GNAI2: variants seen among roughly 807,000 people sequenced by gnomAD.
The protein encoded by GNAI2 is G protein subunit alpha i2, also known as guanine nucleotide-binding protein G(i) subunit alpha-2.
Under a neutral mutation model 36.8 loss-of-function variants are expected in GNAI2, and 4 were observed. That is an observed-to-expected ratio of 0.11 (90% confidence interval 0.05 to 0.25). GNAI2 has a LOEUF of 0.25. Among genes scored for constraint, GNAI2 ranks in the 10% least tolerant of loss-of-function variants. The pLI, the probability that GNAI2 is intolerant of heterozygous loss-of-function variation, is 1.00. For missense variants in GNAI2, 230 were observed against 481.3 expected (o/e 0.48, Z 4.89); for synonymous variants, 194 against 194.1 (o/e 1.00, Z 0.01).
At chr3:50,246,194 T>C (rs1700419387) in intron 1 of GNAI2, among the ~76,000 whole-genome samples, 1 of 152,124 alleles carries the variant, frequency 6.6e-6, no homozygotes. Flanking sequence ...CCCGTTGCCA[T>C]GGTTTCTGTG....
chr3:50,257,360 G>A (rs1046394817), intron 7 of GNAI2, 140 bp from the exon 8 acceptor site: 101 of 650,404 alleles, frequency 1.6e-4, no homozygotes, highest in African/African-American at 1.2e-3. Context: ...TGTATGGGCA[G>A]CCACAAACAT....
At position 50,252,328 on chromosome 3, in the gene GNAI2, TAGCCCCAG is replaced by T; in HGVS notation, c.162-68_162-61del. 1 of 1,549,344 alleles carries T rather than the reference TAGCCCCAG, an allele frequency of 6.5e-7. No homozygotes were observed. Among genetic ancestry groups the T allele is most frequent in the Non-Finnish European group, 8.9e-7 (1 of 1,123,750 alleles). Reference sequence around the variant, plus strand: ...TTCCCTTCTCTGAAGCAGGTCCCAGTAGCCCCAGGCAGCCGTGGGAACTCCCAGTGCCC... The same window carrying T: ...TTCCCTTCTCTGAAGCAGGTCCCAGTGCAGCCGTGGGAACTCCCAGTGCCC... On this transcript the variant is annotated intron_variant, in intron 2 of 8. Transcript: ENST00000313601. The surrounding 1 kb of genome is among the most constrained non-coding windows in gnomAD (Gnocchi z 4.1).
upstream of GNAI2, chr3:50,227,147 A>G: frequency 6.9e-7 from 1 of 1,444,648 alleles, no homozygotes; most frequent in South Asian, 1.4e-5. This position sits in a 1 kb window ranked among gnomAD's most constrained non-coding sequence, Gnocchi z 5.9. Context: ...TGAAGACGCT[A>G]GGCTGGACGA....
upstream of GNAI2, among the ~76,000 whole-genome samples, chr3:50,234,945 A>G (rs911739025): frequency 1.2e-4 from 19 of 152,288 alleles, no homozygotes; most frequent in African/African-American, 4.6e-4. Flanking sequence ...GGTTGCAGCC[A>G]TTGCCCAGTG....
upstream of GNAI2, among the ~76,000 whole-genome samples, chr3:50,233,710 G>A (rs1479943728): frequency 6.6e-6 from 1 of 152,096 alleles, no homozygotes; most frequent in Non-Finnish European, 1.5e-5. Flanking sequence ...TCAGAGCAGT[G>A]GTGGACATGG....
Position 50,236,236 on chromosome 3 carries a change from C to G in GNAI2, c.-100C>G, listed in dbSNP as rs1700163187. 1.7e-6 allele frequency: 2 copies of G among 1,194,562 alleles called. No individual in the cohort carries two copies. The highest frequency in any genetic ancestry group is 2.1e-6 in the Non-Finnish European group (2 of 963,742). 74.0% of individuals were successfully genotyped at this position (1,194,562 alleles called of 1,614,324 possible). A position where few individuals can be genotyped will look rare whatever the true frequency, so the allele number is the denominator to read the frequency against. ...CGGAACTGCCGACCCGAGTGCTTCC[C>G]GCAGAGGGCTGGTGGTGGGAGCGGA... On this transcript the variant is annotated 5_prime_UTR_variant, in exon 1 of 9. Transcript: ENST00000313601. The surrounding 1 kb of genome is among the most constrained non-coding windows in gnomAD (Gnocchi z 4.0).
rs143647903 is a variant in GNAI2, at chr3:50,240,937, G to A, written c.118+4484G>A. Among the ~76,000 whole-genome samples the A allele has an allele frequency of 2.6e-3, 278 of 108,172 alleles. 2 individuals are homozygous for A. The highest frequency in any genetic ancestry group is 9.8e-3 in the Middle Eastern group (2 of 204). 71.0% of individuals were successfully genotyped at this position (108,172 alleles called of 152,430 possible). ...CTGTCTCAAAAAAAAAAAAAAAAAA[G>A]AAAAAAAAAGAAAATGGATGAGGGA... On this transcript the variant is annotated intron_variant, in intron 1 of 8. Coordinates refer to ENST00000313601, the MANE Select transcript of GNAI2 (RefSeq NM_002070.4).
chr3:50,228,506 C>T (rs1469472404), upstream of GNAI2, among the ~76,000 whole-genome samples: 2 of 149,830 alleles, frequency 1.3e-5, no homozygotes, highest in Admixed American at 6.7e-5. Context: ...GCCAAGATCG[C>T]GCCACTGCAC....
chr3:50,254,374 C>G, intron 4 of GNAI2, among the ~76,000 whole-genome samples: 1 of 152,140 alleles, frequency 6.6e-6, no homozygotes, highest in East Asian at 1.9e-4. Flanking sequence ...CTGGAACACC[C>G]TTTTGCTCCT....
chr3:50,247,575 C>T (rs782259588), intron 1 of GNAI2, among the ~76,000 whole-genome samples: 1 of 152,222 alleles, frequency 6.6e-6, no homozygotes, highest in South Asian at 2.1e-4. Context: ...TGGTCTTGTT[C>T]ACGCAGGTGG....
chr3:50,236,846 C>T lies in GNAI2; in HGVS notation c.118+393C>T, dbSNP rs62260798. Among the ~76,000 whole-genome samples, 7,753 of 152,272 alleles carry T rather than the reference C, an allele frequency of 0.051. 276 individuals are homozygous for T. Among genetic ancestry groups the T allele is most frequent in the Non-Finnish European group, 0.077 (5,248 of 68,006 alleles). ...ACCCTCAGGCTCCGCTTGTTTTCCT[C>T]ACCTGCGCCTTTTATTCCTATTGGG... On this transcript the variant is annotated intron_variant, in intron 1 of 8. Coordinates refer to ENST00000313601, the MANE Select transcript of GNAI2 (RefSeq NM_002070.4). This position sits in a 1 kb window ranked among gnomAD's most constrained non-coding sequence, Gnocchi z 4.0.
At chr3:50,231,566 C>T (rs1372695235), upstream of GNAI2, among the ~76,000 whole-genome samples, 9 of 152,206 alleles carry the variant, frequency 5.9e-5, no homozygotes, top group African/African-American at 4.8e-5. Flanking sequence ...CGAGCCACCG[C>T]ACCCGGCCTT....
At chr3:50,246,731 G>A (rs1700433616) in intron 1 of GNAI2, among the ~76,000 whole-genome samples, 1 of 152,256 alleles carries the variant, frequency 6.6e-6, no homozygotes, top group African/African-American at 2.4e-5. Flanking sequence ...CCACCAGTAT[G>A]GGGGTTCTCT....
chr3:50,259,036 G>T lies in GNAI2; in HGVS notation c.*693G>T. The T allele has an allele frequency of 2.5e-6, 1 of 395,392 alleles. No individual in the cohort carries two copies. The highest frequency in any genetic ancestry group is 4.8e-6 in the Non-Finnish European group (1 of 208,844). The allele number at this position is 395,392 out of a possible 1,614,324, so 24.5% of individuals were successfully genotyped here. A position where few individuals can be genotyped will look rare whatever the true frequency, so the allele number is the denominator to read the frequency against. On this transcript the variant is annotated 3_prime_UTR_variant, in exon 9 of 9. Coordinates refer to ENST00000313601, the MANE Select transcript of GNAI2 (RefSeq NM_002070.4). ...TGAGTGTGTCTGCGTGTTTACACCC[G>T]TCCCTCTGCTGGCCGCCCCCGTGCG...
intron 5 of GNAI2, 183 bp downstream of exon 5, chr3:50,256,503 G>A (rs1187557922): frequency 5.6e-6 from 4 of 709,924 alleles, no homozygotes; most frequent in African/African-American, 1.8e-5. Flanking sequence ...TCTGCCAGCT[G>A]CTCACAGCCT....
Position 50,253,460 on chromosome 3 carries a change from T to C in GNAI2, c.464+276T>C, listed in dbSNP as rs1302147141. 1.3e-5 allele frequency among the ~76,000 whole-genome samples: 2 copies of C among 152,092 alleles called. No individual in the cohort carries two copies. The highest frequency in any genetic ancestry group is 4.8e-5 in the African/African-American group (2 of 41,404). Reference sequence around the variant, plus strand: ...TCTTGACAGTCTTCTAAAGAACATTTGCGGCCGGGCGTGGTGGCTCACGCC... The same window carrying C: ...TCTTGACAGTCTTCTAAAGAACATTCGCGGCCGGGCGTGGTGGCTCACGCC... On this transcript the variant is annotated intron_variant, in intron 4 of 8. Transcript: ENST00000313601. This position sits in a 1 kb window ranked among gnomAD's most constrained non-coding sequence, Gnocchi z 4.2.
chr3:50,256,808 G>T lies in GNAI2; in HGVS notation c.679G>T (p.Ala227Ser), dbSNP rs1553703273. Residue 227 changes from alanine (A) to serine (S), a missense_variant, in exon 6 of 9, where the codon GCC becomes TCC. Around this residue, in one of 4 missense-constraint regions of GNAI2, gnomAD observed 30 missense variants for 128.7 expected, o/e 0.23. Coordinates refer to ENST00000313601, the MANE Select transcript of GNAI2 (RefSeq NM_002070.4). ...CGTCACAGCCATCATCTTCTGCGTA[G>T]CCTTGAGCGCCTATGACTTGGTGCT... ...EGVTAIIFCV[A>S]LSAYDLVLAE... 6.2e-7 allele frequency: 1 copy of T among 1,614,220 alleles called. No homozygotes were observed.
In GNAI2 at chr3:50,259,215, T is replaced by G. The variant is rs587648802; in HGVS notation, c.*872T>G. ...CTAGCGCTAACCTAGGAACCGCCGC[T>G]GCCTGCTGGGGGGCCACGCCCCTCA... On this transcript the variant is annotated 3_prime_UTR_variant, in exon 9 of 9. Transcript: ENST00000313601. The G allele has an allele frequency of 2.9e-4, 62 of 217,096 alleles. 1 individual carries two copies. The highest frequency in any genetic ancestry group is 2.2e-3 in the Middle Eastern group (1 of 464). The allele number at this position is 217,096 out of a possible 1,614,324, so 13.4% of individuals were successfully genotyped here. A position where few individuals can be genotyped will look rare whatever the true frequency, so the allele number is the denominator to read the frequency against.
At chr3:50,251,914 A>G (rs2109209576) in intron 1 of GNAI2, 186 bp from the exon 2 acceptor site, 1 of 917,122 alleles carries the variant, frequency 1.1e-6, no homozygotes, top group African/African-American at 1.7e-5. Flanking sequence ...TACCTTGACC[A>G]CTGTGGCCCT....
Sources: gnomAD v4.1 joint callset for allele counts (sites outside exome capture counted in the v4.1 genomes callset) on GRCh38, gnomAD v4.1.1 for gene constraint, gnomAD v4.1.1 regional missense constraint, Gnocchi (gnomAD v3.1) non-coding constraint, MANE v1.5 for transcripts, NCBI Gene and HGNC (gene_info 2026-07-23, HGNC 2026-07-21) for gene names.